Variants in ANO4 observed in about 807,000 individuals in gnomAD.
ANO4 encodes the protein anoctamin-4.
Under a neutral mutation model 141.9 loss-of-function variants are expected in ANO4, and 69 were observed. The observed-to-expected ratio is 0.49, with a 90% confidence interval of 0.40 to 0.59. The LOEUF (loss-of-function observed/expected upper bound fraction) is 0.59. Among genes scored for constraint, ANO4 ranks in the 20% least tolerant of loss-of-function variants. ANO4 has a pLI of 0.00. For synonymous variants in ANO4, 350 were observed against 394.3 expected, an observed-to-expected ratio of 0.89 and a Z score of 1.33; for missense variants, 894 against 1,162.2, an observed-to-expected ratio of 0.77 and a Z score of 3.36.
At chr12:101,005,090 T>C (rs1207644920) in intron 8 of ANO4, among the ~76,000 whole-genome samples, 1 of 152,148 alleles carries the variant, frequency 6.6e-6, no homozygotes, top group African/African-American at 2.4e-5. Flanking sequence ...ATGACTAAGA[T>C]CAGACTAAGA....
At chr12:100,938,044 G>A (rs1441698011) in intron 3 of ANO4, among the ~76,000 whole-genome samples, 1 of 152,170 alleles carries the variant, frequency 6.6e-6, no homozygotes, top group Non-Finnish European at 1.5e-5. Context: ...TCACCTTTGG[G>A]GGGGTCATAA....
intron 14 of ANO4, chr12:101,068,723 G>A: frequency 7.7e-7 from 1 of 1,305,496 alleles, no homozygotes; most frequent in Non-Finnish European, 1.1e-6. Context: ...AAAATGACCA[G>A]ATCTCATAAA....
At chr12:100,969,041 C>G (rs575504594) in intron 5 of ANO4, among the ~76,000 whole-genome samples, 1 of 152,260 alleles carries the variant, frequency 6.6e-6, no homozygotes, top group East Asian at 1.9e-4. Flanking sequence ...TTTGTCCACT[C>G]CCTGGACAGG....
chr12:100,875,785 A>C (rs1231799895), intron 1 of ANO4, among the ~76,000 whole-genome samples: 1 of 152,164 alleles, frequency 6.6e-6, no homozygotes, highest in Admixed American at 6.5e-5. Flanking sequence ...GATTTTGGGC[A>C]TGAGCAACTG....
At chr12:101,111,081 C>T (rs906824241) in intron 23 of ANO4, among the ~76,000 whole-genome samples, 3 of 152,224 alleles carry the variant, frequency 2.0e-5, no homozygotes, top group Non-Finnish European at 4.4e-5. Context: ...GGCAGTCACC[C>T]AGCCAATATG....
At chr12:100,940,175 G>A (rs1363253771) in intron 4 of ANO4, among the ~76,000 whole-genome samples, 1 of 150,790 alleles carries the variant, frequency 6.6e-6, no homozygotes, top group African/African-American at 2.4e-5. Flanking sequence ...ACCATATGCA[G>A]CTATCCAAGT....
intron 7 of ANO4, 104 bp downstream of exon 7, chr12:100,974,993 T>C (rs761720673): frequency 8.9e-6 from 12 of 1,344,208 alleles, no homozygotes; most frequent in African/African-American, 1.4e-5. Context: ...CTGTGTCACA[T>C]GGGAAAGTTG....
At chr12:100,859,245 G>C (rs2038347024) in intron 1 of ANO4, 1 of 152,174 alleles carries the variant, frequency 6.6e-6, no homozygotes, top group Non-Finnish European at 1.5e-5. Flanking sequence ...TTAAATGTGA[G>C]TGGCAGTGAC....
chr12:101,020,252 AC>A, intron 9 of ANO4, 112 bp downstream of exon 9: 2 of 682,826 alleles, frequency 2.9e-6, no homozygotes, highest in South Asian at 3.9e-5. Context: ...CACTTATAAA[AC>A]CCCTAACTAA....
intron 1 of ANO4, among the ~76,000 whole-genome samples, chr12:100,882,465 A>G (rs1024264233): frequency 1.3e-5 from 2 of 152,094 alleles, no homozygotes; most frequent in Non-Finnish European, 2.9e-5. Context: ...AGACCTCTAG[A>G]GGTTAATTAA....
Position 100,901,799 on chromosome 12 carries a change from C to T in ANO4, c.14C>T (p.Ser5Phe). The change falls in exon 2 of 28, where the codon TCT (serine) becomes TTT (phenylalanine). Residue 5 changes from serine to phenylalanine, a missense_variant. Around this residue, in one of 2 missense-constraint regions of ANO4, gnomAD observed 257 missense variants for 253.0 expected, o/e 1.02. Coordinates refer to ENST00000392977, the MANE Select transcript of ANO4 (RefSeq NM_001286615.2). ...AGGTCAATAAAAATGGAGGCAAGCTCTTCTGGAATCACTAATGGAAAAACC... is the reference window on the plus strand; with the variant it reads ...AGGTCAATAAAAATGGAGGCAAGCTTTTCTGGAATCACTAATGGAAAAACC... Reference protein sequence around the residue: MEASSSGITNGKTKV... With the variant: MEASFSGITNGKTKV... 6.2e-7 allele frequency: 1 copy of T among 1,613,406 alleles called. No individual in the cohort carries two copies. The highest frequency in any genetic ancestry group is 8.5e-7 in the Non-Finnish European group (1 of 1,179,798).
chr12:101,066,377 C>G (rs950970937), intron 14 of ANO4, among the ~76,000 whole-genome samples: 3 of 152,096 alleles, frequency 2.0e-5, no homozygotes, highest in African/African-American at 4.8e-5. Context: ...AAGACTCCAC[C>G]AAAAATCTAT....
rs775343966 is a variant in ANO4, at chr12:100,942,382, G to A, written c.303G>A (p.Val101=). The change falls in exon 5 of 28, where the codon GTG becomes GTA. Residue 101 remains valine (V), a synonymous_variant. Transcript: ENST00000392977. ...ASRLEAGGET[V]PERNKSNGLY... ...CCCTTTCTCTTTGTGTGCAGACAGT[G>A]CCAGAAAGAAACAAATCAAATGGAC... is the stretch of plus-strand genomic sequence containing the variant. 1.4e-5 allele frequency: 23 copies of A among 1,613,456 alleles called. No individual in the cohort carries two copies.
chr12:100,846,741 C>T (rs963941306), intron 1 of ANO4, among the ~76,000 whole-genome samples: 6 of 152,146 alleles, frequency 3.9e-5, no homozygotes, highest in Admixed American at 6.6e-5. Context: ...ATCTCTCCTG[C>T]CACCTTTCTT....
chr12:100,973,740 G>A (rs1249585267), intron 6 of ANO4, among the ~76,000 whole-genome samples: 2 of 152,138 alleles, frequency 1.3e-5, no homozygotes, highest in African/African-American at 2.4e-5. Flanking sequence ...TTACTCTAGG[G>A]TTGACTCTGT....
intron 8 of ANO4, among the ~76,000 whole-genome samples, chr12:101,011,339 A>G (rs1222657262): frequency 1.3e-4 from 19 of 145,064 alleles, no homozygotes; most frequent in African/African-American, 4.4e-4. Flanking sequence ...TTTTTTTGCA[A>G]TCTACCACAG....
intron 3 of ANO4, among the ~76,000 whole-genome samples, chr12:100,759,182 A>G (rs959084213): frequency 6.6e-6 from 1 of 152,134 alleles, no homozygotes; most frequent in Non-Finnish European, 1.5e-5. Context: ...CTCTAACTCA[A>G]GTTTTTGGAT....
intron 1 of ANO4, among the ~76,000 whole-genome samples, chr12:100,830,709 T>G (rs2135771543): frequency 6.6e-6 from 1 of 152,214 alleles, no homozygotes; most frequent in South Asian, 2.1e-4. Context: ...TACCAGATAC[T>G]TCTCCTGCCA....
At chr12:101,033,108 A>T (rs1353059008) in intron 9 of ANO4, among the ~76,000 whole-genome samples, 4 of 152,252 alleles carry the variant, frequency 2.6e-5, no homozygotes, top group South Asian at 2.1e-4. Context: ...AAAATGTGGC[A>T]CATATACACC....
Sources: allele counts gnomAD v4.1 joint callset (sites outside exome capture counted in the v4.1 genomes callset), GRCh38; gene constraint gnomAD v4.1.1; regional missense constraint gnomAD v4.1.1; transcripts MANE v1.5; gene names NCBI Gene and HGNC (gene_info 2026-07-23, HGNC 2026-07-21).